Variants in MYT1L observed in about 807,000 individuals in gnomAD.
MYT1L encodes myelin transcription factor 1-like protein.
Under a neutral mutation model 126.7 loss-of-function variants are expected in MYT1L, and 12 were observed. That is an observed-to-expected ratio of 0.09 (90% CI 0.06 to 0.15). MYT1L has a LOEUF of 0.15. Ranked by LOEUF, MYT1L falls within the 10% of genes least tolerant of loss-of-function variation. The probability of loss-of-function intolerance (pLI) is 1.00; values close to 1 mark genes in which losing one functional copy is unlikely to be tolerated. For synonymous variants in MYT1L, 541 were observed against 604.2 expected (o/e 0.90, Z 1.53); for missense variants, 979 against 1,585.2 (o/e 0.62, Z 6.49).
chr2:2,096,449 G>T (rs1253376569), intron 3 of MYT1L, among the ~76,000 whole-genome samples: 1 of 152,216 alleles, frequency 6.6e-6, no homozygotes, highest in African/African-American at 2.4e-5. Context: ...TTTTCAGGTT[G>T]TTCAGGTTCC....
intron 3 of MYT1L, among the ~76,000 whole-genome samples, chr2:2,139,525 G>A (rs2083617084): frequency 6.6e-6 from 1 of 152,054 alleles, no homozygotes; most frequent in African/African-American, 2.4e-5. Context: ...TATAATCCCA[G>A]CTACTCGGGA....
At position 1,848,875 on chromosome 2, in the gene MYT1L, C is replaced by A. The variant is rs937214982; in HGVS notation, c.2774+2766G>T. On this transcript the variant is annotated intron_variant, in intron 19 of 24. Coordinates refer to ENST00000647738, the MANE Select transcript of MYT1L (RefSeq NM_001303052.2). The surrounding 1 kb of genome is among the most constrained non-coding windows in gnomAD (Gnocchi z 4.8). Reference sequence around the variant, plus strand: ...TATACTAGGGAAGCTGTTACTAGAACAAGTAACGTCACAAGGTGCTCCACC... The same window carrying A: ...TATACTAGGGAAGCTGTTACTAGAAAAAGTAACGTCACAAGGTGCTCCACC... 6.6e-6 allele frequency among the ~76,000 whole-genome samples: 1 copy of A among 152,166 alleles called. No homozygotes were observed. The highest frequency in any genetic ancestry group is 1.5e-5 in the Non-Finnish European group (1 of 68,030).
intron 2 of MYT1L, among the ~76,000 whole-genome samples, chr2:2,198,950 A>G (rs2092941192): frequency 6.6e-6 from 1 of 152,196 alleles, no homozygotes; most frequent in African/African-American, 2.4e-5. Flanking sequence ...ATCACACCAT[A>G]TTCCATAAGC....
Position 1,979,737 on chromosome 2 carries a change from G to A in MYT1L, c.41C>T (p.Ser14Phe), listed in dbSNP as rs747210876. ...CGCGGACATACCTCGAACCCCTTTG[G>A]ACCGCGTGCGATGCCGCTTCTCCTC... Reference protein sequence around the residue: ...DTEEKRHRTRSKGVRVPVEPA... With the variant: ...DTEEKRHRTRFKGVRVPVEPA... The change falls in exon 6 of 25, where the codon TCC becomes TTC. Residue 14 changes from serine (S) to phenylalanine (F), a missense_variant. Ser to Phe is a radical substitution (Grantham distance 155, BLOSUM62 -2). This residue lies in a region of MYT1L where 50 missense variants were observed against 48.6 expected (regional missense o/e 1.03). Coordinates refer to ENST00000647738, the MANE Select transcript of MYT1L (RefSeq NM_001303052.2). The surrounding 1 kb of genome is among the most constrained non-coding windows in gnomAD (Gnocchi z 4.0). The A allele has an allele frequency of 6.2e-7, 1 of 1,613,852 alleles. No homozygotes were observed. The highest frequency in any genetic ancestry group is 8.5e-7 in the Non-Finnish European group (1 of 1,179,900).
intron 1 of MYT1L, among the ~76,000 whole-genome samples, chr2:2,323,676 T>C (rs2096207398): frequency 6.6e-6 from 1 of 152,218 alleles, no homozygotes; most frequent in African/African-American, 2.4e-5. Flanking sequence ...CTCAGAAGAC[T>C]GATTTGCAAA....
chr2:2,180,667 T>C (rs1034186040), intron 2 of MYT1L, among the ~76,000 whole-genome samples: 9 of 151,916 alleles, frequency 5.9e-5, no homozygotes, highest in Admixed American at 4.6e-4. Flanking sequence ...TATGCCTGTG[T>C]GTGCACCTGT....
chr2:1,863,679 T>G (rs1313402785), intron 18 of MYT1L, among the ~76,000 whole-genome samples: 2 of 151,434 alleles, frequency 1.3e-5, no homozygotes, highest in Non-Finnish European at 2.9e-5. Flanking sequence ...ATGTGCCGAT[T>G]GTATTCCGAC....
At chr2:2,254,223 T>C (rs2094744656) in intron 2 of MYT1L, among the ~76,000 whole-genome samples, 1 of 152,188 alleles carries the variant, frequency 6.6e-6, no homozygotes, top group Non-Finnish European at 1.5e-5. Flanking sequence ...AAGCAAATAA[T>C]CTACTTTTAT....
chr2:2,234,062 G>C (rs530935729), intron 2 of MYT1L, among the ~76,000 whole-genome samples: 8 of 152,312 alleles, frequency 5.3e-5, no homozygotes, highest in African/African-American at 1.9e-4. Flanking sequence ...AGTCTATTCA[G>C]TGCATTTTAA....
intron 15 of MYT1L, among the ~76,000 whole-genome samples, 194 bp downstream of exon 15, chr2:1,891,843 C>T (rs1008667089): frequency 1.3e-5 from 2 of 152,198 alleles, no homozygotes; most frequent in Non-Finnish European, 2.9e-5. Flanking sequence ...AAAATGGATG[C>T]GCTTTGGACA....
At chr2:2,082,898 A>T (rs2075989405) in intron 3 of MYT1L, among the ~76,000 whole-genome samples, 1 of 152,178 alleles carries the variant, frequency 6.6e-6, no homozygotes, top group Non-Finnish European at 1.5e-5. Context: ...TGACTAGAAC[A>T]GAAGAACATC....
chr2:1,908,701 A>G (rs902345225), intron 13 of MYT1L, among the ~76,000 whole-genome samples: 2 of 152,146 alleles, frequency 1.3e-5, no homozygotes, highest in Non-Finnish European at 2.9e-5. Context: ...GTTGCCAATA[A>G]TTAGCTGTGG....
At chr2:1,820,031 T>TG (rs10713046) in intron 21 of MYT1L, among the ~76,000 whole-genome samples, 4,339 of 112,220 alleles carry the variant, frequency 0.039, 93 homozygotes, top group African/African-American at 0.073. Flanking sequence ...CAGAGGGCAG[T>TG]GGGGGGGGGC....
intron 2 of MYT1L, among the ~76,000 whole-genome samples, chr2:2,217,688 C>CAA (rs1192733884): frequency 2.7e-4 from 19 of 70,878 alleles, no homozygotes; most frequent in African/African-American, 1.3e-3. Flanking sequence ...ACAACAACAA[C>CAA]AACAACAACA....
intron 1 of MYT1L, among the ~76,000 whole-genome samples, chr2:2,286,360 A>C (rs779269763): frequency 6.6e-6 from 1 of 152,182 alleles, no homozygotes; most frequent in Non-Finnish European, 1.5e-5. Flanking sequence ...TCTCTTTTGC[A>C]GATAGAATTG....
intron 4 of MYT1L, among the ~76,000 whole-genome samples, chr2:2,011,340 T>C (rs1025240165): frequency 6.6e-6 from 1 of 150,826 alleles, no homozygotes; most frequent in Non-Finnish European, 1.5e-5. Flanking sequence ...TTGCAGTGAG[T>C]TGCAGTGAGC....
chr2:1,965,663 T>G (rs1391124011), intron 8 of MYT1L, among the ~76,000 whole-genome samples: 2 of 152,244 alleles, frequency 1.3e-5, no homozygotes, highest in Non-Finnish European at 2.9e-5. Flanking sequence ...CTCTGCCTTT[T>G]GGCATCATAG....
chr2:2,236,322 C>A (rs2094302597), intron 2 of MYT1L, among the ~76,000 whole-genome samples: 1 of 142,116 alleles, frequency 7.0e-6, no homozygotes. Context: ...CCCAACCCAA[C>A]CCAGTACATG....
At chr2:1,857,005 C>T (rs1207979096) in intron 18 of MYT1L, among the ~76,000 whole-genome samples, 1 of 152,246 alleles carries the variant, frequency 6.6e-6, no homozygotes, top group African/African-American at 2.4e-5. Context: ...CCCACCATCA[C>T]CTGCAGAGCA....
Sources: allele counts gnomAD v4.1 joint callset (sites outside exome capture counted in the v4.1 genomes callset), GRCh38; gene constraint gnomAD v4.1.1; regional missense constraint gnomAD v4.1.1; non-coding constraint Gnocchi (gnomAD v3.1); transcripts MANE v1.5; gene names NCBI Gene and HGNC (gene_info 2026-07-23, HGNC 2026-07-21).